Variants in OLFM1 observed in about 807,000 individuals in gnomAD.
The protein encoded by OLFM1 is olfactomedin 1, also known as noelin.
Under a neutral mutation model 49.7 loss-of-function variants are expected in OLFM1, and 9 were observed. The ratio of observed to expected loss-of-function variants is 0.18; its 90% CI spans 0.11 to 0.32. The LOEUF (loss-of-function observed/expected upper bound fraction) is 0.32, where lower values mean the gene tolerates loss of function less well. Among genes scored for constraint, OLFM1 ranks in the 10% least tolerant of loss-of-function variants. The probability of loss-of-function intolerance (pLI) is 1.00; values close to 1 mark genes in which losing one functional copy is unlikely to be tolerated. For synonymous variants in OLFM1, 240 were observed against 271.8 expected, an observed-to-expected ratio of 0.88 and a Z score of 1.15; for missense variants, 369 against 661.8, an observed-to-expected ratio of 0.56 and a Z score of 4.85.
rs114762676 is a variant in OLFM1, at chr9:135,103,065, C to T, written c.677-3684C>T. Among the ~76,000 whole-genome samples the T allele has an allele frequency of 7.4e-3, 1,126 of 152,326 alleles. 9 individuals are homozygous for T. Among genetic ancestry groups the T allele is most frequent in the African/African-American group, 0.024 (982 of 41,588 alleles). ...GCCCTCTGAGCCCGTCTGGGGCCGT[C>T]GGGGGGCCTCTGCCCCTCCAGCTGA... On this transcript the variant is annotated intron_variant, in intron 4 of 5. Transcript: ENST00000371793.
upstream of OLFM1, among the ~76,000 whole-genome samples, chr9:135,083,537 C>A (rs1830558441): frequency 6.6e-6 from 1 of 152,174 alleles, no homozygotes; most frequent in South Asian, 2.1e-4. Flanking sequence ...CTCCCCAGGG[C>A]AAGTAGCTCC....
At chr9:135,112,762 C>T (rs1254020553) in intron 5 of OLFM1, among the ~76,000 whole-genome samples, 3 of 152,166 alleles carry the variant, frequency 2.0e-5, no homozygotes, top group East Asian at 1.9e-4. Flanking sequence ...AGGATGGCGG[C>T]GTGAGAGCTT....
Position 135,120,260 on chromosome 9 carries a change from A to G in OLFM1, c.*82A>G. On this transcript the variant is annotated 3_prime_UTR_variant, in exon 6 of 6. Coordinates refer to ENST00000371793, the MANE Select transcript of OLFM1 (RefSeq NM_001282611.2). ...AACTGCTGCCAAAAAGATACCAATA[A>G]CACTAACAATACCGATCTTGAAAAA... is the stretch of plus-strand genomic sequence containing the variant. The G allele has an allele frequency of 2.6e-6, 3 of 1,163,170 alleles. No homozygotes were observed. Among genetic ancestry groups the G allele is most frequent in the Non-Finnish European group, 3.7e-6 (3 of 817,966 alleles). The allele number at this position is 1,163,170 out of a possible 1,614,324, so 72.1% of individuals were successfully genotyped here.
intron 5 of OLFM1, among the ~76,000 whole-genome samples, chr9:135,114,383 G>A (rs1390914149): frequency 6.6e-6 from 1 of 152,004 alleles, no homozygotes; most frequent in Admixed American, 6.6e-5. Flanking sequence ...CCAAAATGCT[G>A]GGATTACAAG....
intron 2 of OLFM1, among the ~76,000 whole-genome samples, chr9:135,095,528 A>AGAGAG (rs1554753296): frequency 1.0e-5 from 1 of 99,398 alleles, no homozygotes; most frequent in African/African-American, 6.1e-5. Flanking sequence ...AAAAAAAAAA[A>AGAGAG]AAAGAGAGAG....
rs1371882964 is a variant in OLFM1, at chr9:135,120,778, T to A, written c.*600T>A. ...TGTGCCCACATTGTTTGAACTCGCG[T>A]ACCCCGTAGATACATTGTGCAACGT... On this transcript the variant is annotated 3_prime_UTR_variant, in exon 6 of 6. Coordinates refer to ENST00000371793, the MANE Select transcript of OLFM1 (RefSeq NM_001282611.2). 1 of 153,656 alleles carries A rather than the reference T, an allele frequency of 6.5e-6. No individual in the cohort carries two copies. Among genetic ancestry groups the A allele is most frequent in the Non-Finnish European group, 1.4e-5 (1 of 68,972 alleles). 9.5% of individuals were successfully genotyped at this position (153,656 alleles called of 1,614,324 possible).
chr9:135,094,590 AC>A (rs1240909664), intron 2 of OLFM1, among the ~76,000 whole-genome samples: 5 of 152,188 alleles, frequency 3.3e-5, no homozygotes, highest in African/African-American at 1.2e-4. Flanking sequence ...CCCGTCGTGT[AC>A]TTTACAAACT....
intron 1 of OLFM1, among the ~76,000 whole-genome samples, chr9:135,089,956 A>G (rs1337932971): frequency 6.6e-6 from 1 of 152,222 alleles, no homozygotes; most frequent in East Asian, 1.9e-4. Context: ...TTAAGAACGT[A>G]AAGGGTCTTG....
intron 1 of OLFM1, chr9:135,076,957 A>T: frequency 6.4e-7 from 1 of 1,550,526 alleles, no homozygotes; most frequent in East Asian, 2.4e-5. Context: ...TGCAGTCCAA[A>T]TCCCAATCCA....
intron 4 of OLFM1, among the ~76,000 whole-genome samples, chr9:135,101,423 G>A (rs1830868780): frequency 6.6e-6 from 1 of 152,182 alleles, no homozygotes; most frequent in African/African-American, 2.4e-5. Context: ...CCTTCTTCAA[G>A]TCACTGTTGC....
Position 135,095,973 on chromosome 9 carries a change from A to G in OLFM1, c.410A>G (p.Lys137Arg), listed in dbSNP as rs1830784583. ...NQMKGLESKFKQVEESHKQHL... is the reference protein window; with the variant it reads ...NQMKGLESKFRQVEESHKQHL... ...ATGAAAGGACTGGAGTCCAAGTTCA[A>G]ACAGGTGGAGGAGAGTCATAAGCAA... Residue 137 changes from lysine to arginine, a missense_variant, in exon 3 of 6, where the codon AAA (lysine) becomes AGA (arginine). Around this residue, in one of 3 missense-constraint regions of OLFM1, gnomAD observed 294 missense variants for 567.5 expected, o/e 0.52. Transcript: ENST00000371793. 3 of 1,591,968 alleles carry G rather than the reference A, an allele frequency of 1.9e-6. No individual in the cohort carries two copies. The highest frequency in any genetic ancestry group is 1.7e-5 in the Admixed American group (1 of 58,136).
At chr9:135,111,565 G>A (rs577706057) in intron 5 of OLFM1, among the ~76,000 whole-genome samples, 4 of 152,278 alleles carry the variant, frequency 2.6e-5, no homozygotes, top group South Asian at 2.1e-4. Flanking sequence ...GGTGTGTTGC[G>A]GAGCTTGGGG....
rs549046478 is a variant in OLFM1 at position 135,104,473 on chromosome 9, G to A, written c.677-2276G>A. Among the ~76,000 whole-genome samples the A allele has an allele frequency of 1.2e-4, 18 of 152,342 alleles. 1 individual carries two copies. The South Asian group carries it at 3.3e-3, about 28-fold the overall frequency. ...GTTCCGGGCGTTAGTGTGGGCCAGC[G>A]TCACGGAAGGCCCGGCGTGTTGACT... On this transcript the variant is annotated intron_variant, in intron 4 of 5. Transcript: ENST00000371793.
chr9:135,077,022 C>T, intron 1 of OLFM1: 1 of 1,550,328 alleles, frequency 6.5e-7, no homozygotes, highest in Non-Finnish European at 8.7e-7. Context: ...TGGTGCTGCC[C>T]AGACGATCAG....
At chr9:135,076,197 A>T in intron 1 of OLFM1, 1 of 1,550,536 alleles carries the variant, frequency 6.4e-7, no homozygotes, top group Non-Finnish European at 8.7e-7. Context: ...GCGGGACCTT[A>T]GTCCTACCCC....
chr9:135,091,830 C>G lies in OLFM1; in HGVS notation c.300+1486C>G, dbSNP rs62573443. ...ACACTCACATAGTCACACACACTCA[C>G]AGTCACACACACACTCACACATAGT... On this transcript the variant is annotated intron_variant, in intron 2 of 5. Transcript: ENST00000371793. Among the ~76,000 whole-genome samples, 1,475 of 147,522 alleles carry G rather than the reference C, an allele frequency of 1.0e-2. 29 individuals carry two copies. The highest frequency in any genetic ancestry group is 0.035 in the African/African-American group (1,348 of 38,770).
At chr9:135,097,288 C>T (rs1485062820) in intron 3 of OLFM1, among the ~76,000 whole-genome samples, 3 of 152,034 alleles carry the variant, frequency 2.0e-5, no homozygotes, top group Middle Eastern at 3.2e-3. Flanking sequence ...TGAAATGAGC[C>T]GATTGTGCTC....
intron 5 of OLFM1, among the ~76,000 whole-genome samples, chr9:135,116,590 G>A (rs1831099505): frequency 1.3e-5 from 2 of 152,138 alleles, no homozygotes; most frequent in South Asian, 4.1e-4. Context: ...AGTCAAAGGT[G>A]TTCTGTGTGC....
rs562653186 is a variant in OLFM1, at chr9:135,117,599, C to G, written c.784-1905C>G. On this transcript the variant is annotated intron_variant, in intron 5 of 5. Transcript: ENST00000371793. The surrounding 1 kb of genome is among the most constrained non-coding windows in gnomAD (Gnocchi z 5.5). ...CCAGGTGGCTGTGCCCCTTCGAAGG[C>G]CCCCTTCAGCCCTGGGTTCTGTACT... 6.6e-6 allele frequency among the ~76,000 whole-genome samples: 1 copy of G among 152,332 alleles called. No individual in the cohort carries two copies. The highest frequency in any genetic ancestry group is 1.9e-4 in the East Asian group (1 of 5,176).
Sources: gnomAD v4.1 joint callset for allele counts (sites outside exome capture counted in the v4.1 genomes callset) on GRCh38, gnomAD v4.1.1 for gene constraint, gnomAD v4.1.1 regional missense constraint, Gnocchi (gnomAD v3.1) non-coding constraint, MANE v1.5 for transcripts, NCBI Gene and HGNC (gene_info 2026-07-23, HGNC 2026-07-21) for gene names.